MYH9: variants seen among roughly 807,000 people sequenced by gnomAD.
MYH9 encodes myosin heavy chain 9.
A neutral mutation model predicts 241.9 loss-of-function variants in MYH9; 29 were observed. The ratio of observed to expected loss-of-function variants is 0.12; its 90% CI spans 0.09 to 0.16. The LOEUF (loss-of-function observed/expected upper bound fraction) is 0.16. Among genes scored for constraint, MYH9 ranks in the 10% least tolerant of loss-of-function variants. The pLI is 1.00. For missense variants in MYH9, 1,803 were observed against 2,595.5 expected, an observed-to-expected ratio of 0.69 and a Z score of 6.63; for synonymous variants, 1,047 against 1,062.6, an observed-to-expected ratio of 0.99 and a Z score of 0.29.
intron 5 of MYH9, 64 bp from the exon 6 acceptor site, chr22:36,322,585 C>T (rs1191096138): frequency 1.3e-6 from 2 of 1,506,304 alleles, no homozygotes; most frequent in African/African-American, 2.7e-5. Context: ...GCCTGCCCTG[C>T]CTGGAAGGGG....
intron 15 of MYH9, chr22:36,308,699 AG>A: frequency 2.0e-6 from 1 of 489,848 alleles, no homozygotes; most frequent in Non-Finnish European, 2.5e-6. Flanking sequence ...GTAAGCAGGC[AG>A]GAAAAGCCAA....
Position 36,325,580 on chromosome 22 carries a change from G to A in MYH9, c.612+988C>T, listed in dbSNP as rs144692589. On this transcript the variant is annotated intron_variant, in intron 5 of 40. Coordinates refer to ENST00000216181, the MANE Select transcript of MYH9 (RefSeq NM_002473.6). Reference sequence around the variant, plus strand: ...AAAAACTCCAACGTGAGAACTCCCCGGCACTGCTTCTGACTGGCACGGCGG... The same window carrying A: ...AAAAACTCCAACGTGAGAACTCCCCAGCACTGCTTCTGACTGGCACGGCGG... Among the ~76,000 whole-genome samples the A allele has an allele frequency of 3.2e-3, 483 of 152,320 alleles. 1 individual carries two copies. The highest frequency in any genetic ancestry group is 6.5e-3 in the African/African-American group (270 of 41,568).
intron 25 of MYH9, among the ~76,000 whole-genome samples, chr22:36,296,177 T>C (rs1406857970): frequency 1.3e-5 from 2 of 152,128 alleles, no homozygotes; most frequent in African/African-American, 4.8e-5. Flanking sequence ...GGGCAGTGGA[T>C]AGATGGAGAA....
intron 20 of MYH9, chr22:36,302,341 C>T (rs1677655964): frequency 2.1e-6 from 1 of 482,130 alleles, no homozygotes; most frequent in Non-Finnish European, 3.8e-6. Flanking sequence ...ATAGTGAGAC[C>T]TTGTCTCTAC....
At chr22:36,369,855 G>T (rs75582186) in intron 1 of MYH9, among the ~76,000 whole-genome samples, 2,249 of 152,288 alleles carry the variant, frequency 0.015, 35 homozygotes, top group Non-Finnish European at 0.024. Flanking sequence ...GCTACCTGGG[G>T]CTAGTCACGT....
At chr22:36,311,564 C>G (rs748183203) in intron 14 of MYH9, among the ~76,000 whole-genome samples, 1 of 152,168 alleles carries the variant, frequency 6.6e-6, no homozygotes, top group Admixed American at 6.5e-5. Context: ...AGCCCTGCCC[C>G]GGAGCACTGA....
At chr22:36,312,708 A>G (rs4820229) in intron 13 of MYH9, among the ~76,000 whole-genome samples, 80,154 of 152,104 alleles carry the variant, frequency 0.53, 23,780 homozygotes, top group Non-Finnish European at 0.68. Flanking sequence ...AGTTTACAAG[A>G]CAAGAAAGCA....
Position 36,374,829 on chromosome 22 carries a change from G to A in MYH9, c.-20+12978C>T, listed in dbSNP as rs2294355. Among the ~76,000 whole-genome samples, 514 of 152,302 alleles carry A rather than the reference G, an allele frequency of 3.4e-3. 7 individuals are homozygous for A. The East Asian group carries it at 0.039, about 12-fold the overall frequency. The stretch of plus-strand genomic sequence containing the variant: ...TTTCACCAGCCCCAGGTGACTCACA[G>A]GGCCTTCACCAACCTGAATCACCCC... On this transcript the variant is annotated intron_variant, in intron 1 of 40. Transcript: ENST00000216181.
Position 36,281,349 on chromosome 22 carries a change from C to T in MYH9, c.*1319G>A, listed in dbSNP as rs750250820. On this transcript the variant is annotated 3_prime_UTR_variant, in exon 41 of 41. Transcript: ENST00000216181. ...GTAAACCAGCTTACTGTAGTGGTGACAGCTGCAACACATGCTAAGGCACTT... is the reference window on the plus strand; with the variant it reads ...GTAAACCAGCTTACTGTAGTGGTGATAGCTGCAACACATGCTAAGGCACTT... 9.2e-6 allele frequency: 2 copies of T among 218,578 alleles called. No homozygotes were observed. The highest frequency in any genetic ancestry group is 1.8e-5 in the Non-Finnish European group (2 of 108,618). 13.5% of individuals were successfully genotyped at this position (218,578 alleles called of 1,614,324 possible).
chr22:36,311,602 C>T (rs2017064796), intron 14 of MYH9, among the ~76,000 whole-genome samples: 1 of 152,198 alleles, frequency 6.6e-6, no homozygotes, highest in African/African-American at 2.4e-5. Context: ...GCCTCAAGAG[C>T]TTGTTTAATC....
In MYH9 at chr22:36,281,843, T is replaced by A; in HGVS notation, c.*825A>T. The A allele has an allele frequency of 4.3e-6, 1 of 231,132 alleles. No homozygotes were observed. The highest frequency in any genetic ancestry group is 8.6e-6 in the Non-Finnish European group (1 of 116,412). The allele number at this position is 231,132 out of a possible 1,614,324, so 14.3% of individuals were successfully genotyped here. A position where few individuals can be genotyped will look rare whatever the true frequency, so the allele number is the denominator to read the frequency against. ...CCCTCTAACGCTCTGGCTGTCAGAC[T>A]TGGGACAAGTCCCTTAACCATTAAA... On this transcript the variant is annotated 3_prime_UTR_variant, in exon 41 of 41. Coordinates refer to ENST00000216181, the MANE Select transcript of MYH9 (RefSeq NM_002473.6).
intron 24 of MYH9, among the ~76,000 whole-genome samples, chr22:36,298,246 T>C (rs2016818861): frequency 6.6e-6 from 1 of 152,058 alleles, no homozygotes; most frequent in South Asian, 2.1e-4. Flanking sequence ...GGTTCCCCTG[T>C]TCCCCCAGCT....
In MYH9 at chr22:36,293,446, G is replaced by C; in HGVS notation, c.3978C>G (p.Ser1326Arg). The C allele has an allele frequency of 6.2e-7, 1 of 1,613,726 alleles. No homozygotes were observed. Among genetic ancestry groups the C allele is most frequent in the Non-Finnish European group, 8.5e-7 (1 of 1,180,020 alleles). ...LLQEENRQKLSLSTKLKQVED... is the reference protein window; with the variant it reads ...LLQEENRQKLRLSTKLKQVED... Reference sequence around the variant, plus strand: ...CCACCTGCTTGAGCTTGGTGCTCAGGCTCAGCTTCTGCCGGTTCTCCTCCT... The same window carrying C: ...CCACCTGCTTGAGCTTGGTGCTCAGCCTCAGCTTCTGCCGGTTCTCCTCCT... The change falls in exon 30 of 41, where the codon AGC (serine) becomes AGG (arginine). Residue 1326 changes from serine (S) to arginine (R), a missense_variant. By Grantham distance (110) the Ser-to-Arg change is moderately radical. Transcript: ENST00000216181. This position sits in a 1 kb window ranked among gnomAD's most constrained non-coding sequence, Gnocchi z 5.1.
intron 1 of MYH9, among the ~76,000 whole-genome samples, chr22:36,375,881 T>A (rs2018158262): frequency 6.6e-6 from 1 of 152,050 alleles, no homozygotes; most frequent in Non-Finnish European, 1.5e-5. Flanking sequence ...TAAGTTAAAA[T>A]TTTTTAAATA....
In MYH9 at chr22:36,320,147, C is replaced by T; in HGVS notation, c.1012+73G>A. On this transcript the variant is annotated intron_variant, in intron 9 of 40. Coordinates refer to ENST00000216181, the MANE Select transcript of MYH9 (RefSeq NM_002473.6). The surrounding 1 kb of genome is among the most constrained non-coding windows in gnomAD (Gnocchi z 4.8). ...CAGGCTCCCCAGGCCCATCGGCTAC[C>T]CTGATGCCCCGAGGCCGTGGGTACC... is the stretch of plus-strand genomic sequence containing the variant. 13 of 1,552,244 alleles carry T rather than the reference C, an allele frequency of 8.4e-6. No homozygotes were observed. The highest frequency in any genetic ancestry group is 1.9e-5 in the Admixed American group (1 of 53,718).
chr22:36,326,912 G>A (rs1408727352), intron 4 of MYH9, among the ~76,000 whole-genome samples: 5 of 152,248 alleles, frequency 3.3e-5, no homozygotes, highest in Non-Finnish European at 7.3e-5. Context: ...CAGGGCAAGT[G>A]ACTTCACATC....
intron 11 of MYH9, among the ~76,000 whole-genome samples, chr22:36,317,428 A>G (rs2017175337): frequency 6.6e-6 from 1 of 152,090 alleles, no homozygotes; most frequent in Non-Finnish European, 1.5e-5. Flanking sequence ...TAGAAAATGG[A>G]GGTTTCTCCT....
intron 1 of MYH9, among the ~76,000 whole-genome samples, chr22:36,380,479 G>A (rs1268573074): frequency 2.0e-5 from 3 of 152,304 alleles, no homozygotes; most frequent in Non-Finnish European, 4.4e-5. Context: ...GGTGGCTCAC[G>A]CCTGTAATCC....
intron 2 of MYH9, 59 bp downstream of exon 2, chr22:36,348,845 C>A: frequency 1.9e-6 from 2 of 1,070,994 alleles, no homozygotes; most frequent in South Asian, 1.4e-5. Flanking sequence ...AGACCCGCCC[C>A]CCCCCCCCAC....
Sources: allele counts gnomAD v4.1 joint callset (sites outside exome capture counted in the v4.1 genomes callset), GRCh38; gene constraint gnomAD v4.1.1; non-coding constraint Gnocchi (gnomAD v3.1); transcripts MANE v1.5; gene names NCBI Gene and HGNC (gene_info 2026-07-23, HGNC 2026-07-21).